The following WWC2 variants were observed in gnomAD, a reference collection of about 807,000 sequenced individuals.
WWC2 encodes protein WWC2.
WWC2 carries 101 observed loss-of-function variants against 138.5 expected under a neutral mutation model. That is an observed-to-expected ratio of 0.73 (90% CI 0.62 to 0.86). The LOEUF is 0.86. Among genes scored for constraint, WWC2 ranks in the 40% least tolerant of loss-of-function variants. WWC2 has a pLI of 0.00. For synonymous variants in WWC2, 558 were observed against 538.4 expected (o/e 1.04, Z -0.50); for missense variants, 1,420 against 1,419.4 (o/e 1.00, Z -0.01).
intron 4 of WWC2, among the ~76,000 whole-genome samples, chr4:183,210,234 A>G (rs1304167362): frequency 6.6e-6 from 1 of 152,142 alleles, no homozygotes; most frequent in East Asian, 1.9e-4. Context: ...GATCAAATAT[A>G]CTGAGATAGA....
At chr4:183,267,779 T>C (rs1737552903) in intron 14 of WWC2, among the ~76,000 whole-genome samples, 1 of 152,208 alleles carries the variant, frequency 6.6e-6, no homozygotes, top group Non-Finnish European at 1.5e-5. Context: ...CAGGCACTTG[T>C]TGAGTTGGTG....
intron 1 of WWC2, among the ~76,000 whole-genome samples, chr4:183,149,460 T>C (rs527699417): frequency 2.6e-5 from 4 of 152,036 alleles, no homozygotes; most frequent in South Asian, 2.1e-4. Context: ...CCATCTCTAC[T>C]GAAAATACAA....
At chr4:183,240,088 A>G in intron 4 of WWC2, 95 bp from the exon 5 acceptor site, 1 of 831,360 alleles carries the variant, frequency 1.2e-6, no homozygotes, top group Non-Finnish European at 1.8e-6. Flanking sequence ...GGCTTTGTTT[A>G]TGTGTTTGTT....
At chr4:183,129,428 A>G (rs151321358) in intron 1 of WWC2, among the ~76,000 whole-genome samples, 54 of 152,316 alleles carry the variant, frequency 3.5e-4, no homozygotes, top group Middle Eastern at 6.8e-3. Context: ...ATGGTTACCT[A>G]CTTATCTCCA....
intron 4 of WWC2, among the ~76,000 whole-genome samples, chr4:183,236,093 C>T (rs1462767849): frequency 1.3e-5 from 2 of 152,116 alleles, no homozygotes; most frequent in African/African-American, 4.8e-5. Context: ...TTTCCCAGCA[C>T]CATTTATTGA....
chr4:183,169,619 C>G (rs1159065292), intron 1 of WWC2, among the ~76,000 whole-genome samples: 2 of 151,726 alleles, frequency 1.3e-5, no homozygotes, highest in Non-Finnish European at 2.9e-5. Context: ...ATCAGAGAGA[C>G]CCTGTAAAAA....
At chr4:183,307,914 C>T (rs535534616) in intron 21 of WWC2, among the ~76,000 whole-genome samples, 2 of 151,650 alleles carry the variant, frequency 1.3e-5, no homozygotes, top group Non-Finnish European at 2.9e-5. Context: ...TCAGCATTGT[C>T]TTTGTTTGTC....
chr4:183,166,534 G>A (rs112650958), intron 1 of WWC2, among the ~76,000 whole-genome samples: 1 of 152,186 alleles, frequency 6.6e-6, no homozygotes, highest in Admixed American at 6.5e-5. Flanking sequence ...GAATACATGA[G>A]TGAAGCAGGC....
chr4:183,228,604 T>G (rs1349952356), intron 4 of WWC2, among the ~76,000 whole-genome samples: 1 of 152,066 alleles, frequency 6.6e-6, no homozygotes, highest in African/African-American at 2.4e-5. Flanking sequence ...TTGTTAGAAA[T>G]TCATTTAAAA....
At chr4:183,242,445 A>G (rs1403560128) in intron 5 of WWC2, among the ~76,000 whole-genome samples, 1 of 152,238 alleles carries the variant, frequency 6.6e-6, no homozygotes, top group Non-Finnish European at 1.5e-5. Flanking sequence ...TACTGGGTAG[A>G]CAAATGTGGC....
At chr4:183,176,622 C>T (rs1734475516) in intron 1 of WWC2, among the ~76,000 whole-genome samples, 2 of 152,090 alleles carry the variant, frequency 1.3e-5, no homozygotes, top group African/African-American at 4.8e-5. Flanking sequence ...GGGGTTTCAC[C>T]ATATTGGCCA....
chr4:183,163,284 A>G (rs1477782538), intron 1 of WWC2, among the ~76,000 whole-genome samples: 1 of 152,212 alleles, frequency 6.6e-6, no homozygotes, highest in African/African-American at 2.4e-5. Flanking sequence ...TCCACACCCC[A>G]CACTGCCAGC....
chr4:183,207,854 A>T, intron 2 of WWC2, 99 bp from the exon 3 acceptor site: 1 of 1,133,260 alleles, frequency 8.8e-7, no homozygotes, highest in Non-Finnish European at 1.2e-6. Flanking sequence ...TAAACTCCTT[A>T]GAGGATACAA....
chr4:183,312,520 T>A, intron 22 of WWC2, 52 bp downstream of exon 22: 3 of 1,607,282 alleles, frequency 1.9e-6, no homozygotes, highest in Non-Finnish European at 2.6e-6. Flanking sequence ...GGGGTCTGAT[T>A]GTGTAGGAAT....
At chr4:183,135,772 TTCTTGGAAAATG>T (rs1733091814) in intron 1 of WWC2, among the ~76,000 whole-genome samples, 1 of 152,182 alleles carries the variant, frequency 6.6e-6, no homozygotes, top group Non-Finnish European at 1.5e-5. Flanking sequence ...CGCTCAATTT[TTCTTGGAAAATG>T]TCTTCATTTC....
chr4:183,312,226 C>A, intron 21 of WWC2, 115 bp from the exon 22 acceptor site: 1 of 1,434,804 alleles, frequency 7.0e-7, no homozygotes, highest in Non-Finnish European at 9.5e-7. Context: ...AGCCCACTGG[C>A]TGCCTTGCTT....
At chr4:183,109,428 C>T (rs887160334) in intron 1 of WWC2, among the ~76,000 whole-genome samples, 1 of 152,128 alleles carries the variant, frequency 6.6e-6, no homozygotes, top group Admixed American at 6.5e-5. Context: ...CTTTCAGGTA[C>T]CAGGGACTGG....
At chr4:183,225,467 T>TA (rs1736042907) in intron 4 of WWC2, among the ~76,000 whole-genome samples, 1 of 152,238 alleles carries the variant, frequency 6.6e-6, no homozygotes, top group South Asian at 2.1e-4. Flanking sequence ...GTCCCTACCT[T>TA]ACTTTTTGTA....
intron 1 of WWC2, among the ~76,000 whole-genome samples, chr4:183,138,268 TGTGA>T (rs965798411): frequency 3.9e-5 from 6 of 152,174 alleles, no homozygotes; most frequent in African/African-American, 9.7e-5. Flanking sequence ...CTGGGATGGA[TGTGA>T]GTATTACTTT....
Sources: gnomAD v4.1 joint callset for allele counts (sites outside exome capture counted in the v4.1 genomes callset) on GRCh38, gnomAD v4.1.1 for gene constraint, MANE v1.5 for transcripts, NCBI Gene and HGNC (gene_info 2026-07-23, HGNC 2026-07-21) for gene names.